Variants in SPHKAP observed in about 807,000 individuals in gnomAD.
SPHKAP encodes the protein A-kinase anchor protein SPHKAP.
A neutral mutation model predicts 137.5 loss-of-function variants in SPHKAP; 67 were observed. That is an observed-to-expected ratio of 0.49 (90% confidence interval 0.40 to 0.60). The LOEUF is 0.60. SPHKAP is among the 20% of genes least tolerant of loss of function. The probability of loss-of-function intolerance (pLI) is 0.00; values close to 1 mark genes in which losing one functional copy is unlikely to be tolerated. For missense variants in SPHKAP, 2,097 were observed against 2,069.3 expected (o/e 1.01, Z -0.26); for synonymous variants, 813 against 785.3 (o/e 1.04, Z -0.59).
intron 6 of SPHKAP, among the ~76,000 whole-genome samples, chr2:228,021,359 A>T (rs890498324): frequency 3.3e-5 from 5 of 152,202 alleles, no homozygotes; most frequent in African/African-American, 1.2e-4. Context: ...ACTTGGCTTC[A>T]ACTAATATAT....
At chr2:228,047,274 T>C (rs1361514473) in intron 3 of SPHKAP, among the ~76,000 whole-genome samples, 1 of 152,094 alleles carries the variant, frequency 6.6e-6, no homozygotes, top group African/African-American at 2.4e-5. Flanking sequence ...GAGATCAGCC[T>C]GGCCAACACT....
intron 2 of SPHKAP, among the ~76,000 whole-genome samples, chr2:228,129,871 A>G (rs1266604076): frequency 2.0e-5 from 3 of 147,390 alleles, no homozygotes; most frequent in Non-Finnish European, 4.5e-5. Flanking sequence ...ATCTTGGCTC[A>G]CTGCAACCTC....
chr2:228,062,069 A>T (rs1696658966), intron 3 of SPHKAP, among the ~76,000 whole-genome samples: 1 of 152,068 alleles, frequency 6.6e-6, no homozygotes, highest in South Asian at 2.1e-4. Flanking sequence ...ATACAAAGAA[A>T]CCCAGATTTT....
intron 3 of SPHKAP, among the ~76,000 whole-genome samples, chr2:228,068,816 G>A (rs186546744): frequency 1.3e-5 from 2 of 152,286 alleles, no homozygotes; most frequent in Admixed American, 6.5e-5. Context: ...AATCTCCATA[G>A]CAAATGCCCT....
intron 4 of SPHKAP, chr2:228,025,984 A>T (rs1214241514): frequency 2.5e-5 from 10 of 402,442 alleles, no homozygotes; most frequent in Non-Finnish European, 3.4e-5. Context: ...GTGGGAGATG[A>T]TTGGATCATG....
intron 3 of SPHKAP, among the ~76,000 whole-genome samples, chr2:228,105,762 T>G (rs4595964): frequency 1.5e-4 from 23 of 151,958 alleles, no homozygotes; most frequent in African/African-American, 4.6e-4. Context: ...GGTTCTCATT[T>G]TCTCTTGCCT....
chr2:228,110,044 A>C (rs772594607), intron 2 of SPHKAP, among the ~76,000 whole-genome samples: 2 of 148,658 alleles, frequency 1.3e-5, no homozygotes, highest in Non-Finnish European at 3.0e-5. Flanking sequence ...GGTACCCTCT[A>C]TTTTATTAGG....
At chr2:228,105,166 A>C (rs1373522685) in intron 3 of SPHKAP, among the ~76,000 whole-genome samples, 1 of 152,148 alleles carries the variant, frequency 6.6e-6, no homozygotes, top group Non-Finnish European at 1.5e-5. Context: ...ATGGGATCTC[A>C]CTATGTCACC....
Position 227,995,730 on chromosome 2 carries a change from G to GCACACA in SPHKAP, c.4449-42_4449-37dup, listed in dbSNP as rs34458152. ...CAAGATATTATTACCAAGAGAGGCA[G>GCACACA]CACACACACACACACACAGAAACTT... is the stretch of plus-strand genomic sequence containing the variant. On this transcript the variant is annotated intron_variant, in intron 7 of 11. Coordinates refer to ENST00000392056, the MANE Select transcript of SPHKAP (RefSeq NM_001142644.2). 1.4e-5 allele frequency: 21 copies of GCACACA among 1,455,132 alleles called. No individual in the cohort carries two copies. The East Asian group carries it at 1.7e-4, about 12-fold the overall frequency. 90.1% of individuals were successfully genotyped at this position (1,455,132 alleles called of 1,614,324 possible).
At chr2:228,100,631 T>A (rs1232138892) in intron 3 of SPHKAP, among the ~76,000 whole-genome samples, 1 of 152,214 alleles carries the variant, frequency 6.6e-6, no homozygotes, top group Non-Finnish European at 1.5e-5. Flanking sequence ...TCTGTTTATG[T>A]GGTGAATCAC....
chr2:227,995,411 CTCTT>C, intron 8 of SPHKAP, 94 bp downstream of exon 8: 3 of 1,447,708 alleles, frequency 2.1e-6, no homozygotes, highest in Non-Finnish European at 2.9e-6. Context: ...CTCTCCTTCT[CTCTT>C]TATTAGGGAC....
At chr2:228,023,919 A>G (rs965268827) in intron 5 of SPHKAP, among the ~76,000 whole-genome samples, 4 of 152,096 alleles carry the variant, frequency 2.6e-5, no homozygotes. Flanking sequence ...GGATGCAATG[A>G]GACTTCTGCT....
chr2:228,178,202 A>G (rs1700795205), intron 1 of SPHKAP, among the ~76,000 whole-genome samples: 1 of 152,228 alleles, frequency 6.6e-6, no homozygotes, highest in Admixed American at 6.5e-5. Context: ...TCAGTACACA[A>G]GAGAAAACTG....
chr2:228,038,622 T>A (rs1695725777), intron 3 of SPHKAP, among the ~76,000 whole-genome samples: 1 of 152,186 alleles, frequency 6.6e-6, no homozygotes, highest in South Asian at 2.1e-4. Flanking sequence ...TAAGTATGTA[T>A]TTTTACATAA....
intron 3 of SPHKAP, among the ~76,000 whole-genome samples, chr2:228,104,227 T>G (rs1698263386): frequency 9.5e-6 from 1 of 104,760 alleles, no homozygotes; most frequent in Non-Finnish European, 2.1e-5. Flanking sequence ...TTAAATATTA[T>G]ATGTTATATC....
In SPHKAP at chr2:228,139,683, T is replaced by A. The variant is rs116991789; in HGVS notation, c.33-7598A>T. 6.1e-4 allele frequency among the ~76,000 whole-genome samples: 93 copies of A among 152,246 alleles called. No individual in the cohort carries two copies. In the East Asian group the frequency reaches 0.016, roughly 27 times the overall value. On this transcript the variant is annotated intron_variant, in intron 1 of 11. Coordinates refer to ENST00000392056, the MANE Select transcript of SPHKAP (RefSeq NM_001142644.2). Reference sequence around the variant, plus strand: ...AGCAAGTGAGCATGATAACTTAGCCTTTTTCTCTTTTCTCTTTCATTTTTT... The same window carrying A: ...AGCAAGTGAGCATGATAACTTAGCCATTTTCTCTTTTCTCTTTCATTTTTT...
chr2:228,103,589 C>A (rs945269937), intron 3 of SPHKAP, among the ~76,000 whole-genome samples: 1 of 152,186 alleles, frequency 6.6e-6, no homozygotes, highest in South Asian at 2.1e-4. Context: ...TCACTCTGCC[C>A]TCCGCAGCCT....
At chr2:228,142,864 A>G (rs1699649123) in intron 1 of SPHKAP, among the ~76,000 whole-genome samples, 2 of 152,194 alleles carry the variant, frequency 1.3e-5, no homozygotes, top group Admixed American at 6.5e-5. Context: ...AAGTTAAAAA[A>G]TGAGTGTTGC....
At chr2:228,144,169 G>A (rs956899552) in intron 1 of SPHKAP, among the ~76,000 whole-genome samples, 12 of 152,026 alleles carry the variant, frequency 7.9e-5, no homozygotes, top group Non-Finnish European at 1.3e-4. Context: ...TGCCACACAG[G>A]CCTCTTTATC....
Sources: allele counts gnomAD v4.1 joint callset (sites outside exome capture counted in the v4.1 genomes callset), GRCh38; gene constraint gnomAD v4.1.1; transcripts MANE v1.5; gene names NCBI Gene and HGNC (gene_info 2026-07-23, HGNC 2026-07-21).